Variants in SLC5A8 observed in about 807,000 individuals in gnomAD.
SLC5A8 encodes the protein solute carrier family 5 member 8.
Under a neutral mutation model 71.9 loss-of-function variants are expected in SLC5A8, and 55 were observed. The observed-to-expected ratio is 0.77, with a 90% CI of 0.62 to 0.96. The LOEUF (loss-of-function observed/expected upper bound fraction) is 0.96, where lower values mean the gene tolerates loss of function less well. Among genes scored for constraint, SLC5A8 ranks in the 40% least tolerant of loss-of-function variants. SLC5A8 has a pLI of 0.00. For synonymous variants in SLC5A8, 307 were observed against 276.1 expected, an observed-to-expected ratio of 1.11 and a Z score of -1.11; for missense variants, 701 against 745.3, an observed-to-expected ratio of 0.94 and a Z score of 0.69.
intron 10 of SLC5A8, among the ~76,000 whole-genome samples, chr12:101,177,642 A>C (rs753033361): frequency 6.6e-6 from 1 of 152,214 alleles, no homozygotes; most frequent in Non-Finnish European, 1.5e-5. Context: ...CTGGTTCTGC[A>C]TTAAAAAACC....
intron 2 of SLC5A8, 152 bp downstream of exon 2, chr12:101,204,348 G>A (rs1869587730): frequency 3.0e-6 from 2 of 669,944 alleles, no homozygotes; most frequent in Admixed American, 3.1e-5. Context: ...GGTTGATGCT[G>A]TACAGTGACA....
intron 10 of SLC5A8, among the ~76,000 whole-genome samples, chr12:101,173,234 C>T (rs753699806): frequency 6.6e-6 from 1 of 152,196 alleles, no homozygotes; most frequent in Non-Finnish European, 1.5e-5. Flanking sequence ...CAAAGCACTT[C>T]CTCTCAGGTA....
intron 5 of SLC5A8, among the ~76,000 whole-genome samples, chr12:101,192,218 G>A (rs1463452541): frequency 6.6e-6 from 1 of 152,214 alleles, no homozygotes; most frequent in Admixed American, 6.5e-5. Flanking sequence ...GGCAACTAGA[G>A]CCTCTTTTCC....
intron 2 of SLC5A8, among the ~76,000 whole-genome samples, chr12:101,203,635 C>T (rs926650132): frequency 5.9e-5 from 9 of 152,360 alleles, no homozygotes; most frequent in Middle Eastern, 3.4e-3. Flanking sequence ...GCATGAGCCA[C>T]CGCGGCTGGC....
At chr12:101,171,286 C>T (rs549351387) in intron 10 of SLC5A8, among the ~76,000 whole-genome samples, 16 of 152,264 alleles carry the variant, frequency 1.1e-4, no homozygotes, top group Admixed American at 3.3e-4. Flanking sequence ...TGGAAATCCC[C>T]GGCCAGGTTG....
intron 14 of SLC5A8, 99 bp from the exon 15 acceptor site, chr12:101,157,500 T>C: frequency 7.1e-7 from 1 of 1,402,870 alleles, no homozygotes; most frequent in Non-Finnish European, 9.5e-7. Context: ...TTTCTCTGCA[T>C]CAGCTTTCTA....
intron 10 of SLC5A8, among the ~76,000 whole-genome samples, chr12:101,179,529 T>C (rs962661371): frequency 2.0e-5 from 3 of 152,110 alleles, no homozygotes; most frequent in African/African-American, 7.2e-5. Flanking sequence ...TTATGCCAAG[T>C]GAAAAAGGTT....
Position 101,210,145 on chromosome 12 carries a change from C to T in SLC5A8, c.-297G>A, listed in dbSNP as rs1869870414. The stretch of plus-strand genomic sequence containing the variant: ...TGAGGAACTGGAGTGGCCGAGTTCG[C>T]CAAGGCGCCGGGGACACCTGAGCAG... On this transcript the variant is annotated 5_prime_UTR_variant, in exon 1 of 15. Coordinates refer to ENST00000536262, the MANE Select transcript of SLC5A8 (RefSeq NM_145913.5). 2.6e-6 allele frequency: 1 copy of T among 389,068 alleles called. No individual in the cohort carries two copies. The highest frequency in any genetic ancestry group is 4.5e-6 in the Non-Finnish European group (1 of 220,746). 24.1% of individuals were successfully genotyped at this position (389,068 alleles called of 1,614,324 possible).
At chr12:101,205,265 C>CCT (rs1407934149) in intron 1 of SLC5A8, among the ~76,000 whole-genome samples, 1 of 152,178 alleles carries the variant, frequency 6.6e-6, no homozygotes, top group Non-Finnish European at 1.5e-5. Context: ...TCAGCCTGTC[C>CCT]CTCTGTTCTA....
intron 13 of SLC5A8, among the ~76,000 whole-genome samples, chr12:101,161,668 C>T (rs1402697263): frequency 6.6e-6 from 1 of 152,168 alleles, no homozygotes; most frequent in Admixed American, 6.5e-5. Context: ...TGTCTTACAG[C>T]AACTTGTGAG....
At position 101,187,385 on chromosome 12, in the gene SLC5A8, C is replaced by T. The variant is rs773231008; in HGVS notation, c.963+1G>A. The stretch of plus-strand genomic sequence containing the variant: ...CCTGTAAGAAAGACATGGTACTGAA[C>T]CTGGTCTGGTGCAGACACTTTCTTG... On this transcript the variant is annotated splice_donor_variant, in intron 7 of 14. Coordinates refer to ENST00000536262, the MANE Select transcript of SLC5A8 (RefSeq NM_145913.5). LOFTEE classifies it high-confidence loss of function. The T allele has an allele frequency of 6.2e-7, 1 of 1,612,686 alleles. No homozygotes were observed. Among genetic ancestry groups the T allele is most frequent in the South Asian group, 1.1e-5 (1 of 90,580 alleles).
At chr12:101,158,598 C>CTCTCTCTCTCTATATATATA (rs1411795424) in intron 13 of SLC5A8, among the ~76,000 whole-genome samples, 2 of 21,242 alleles carry the variant, frequency 9.4e-5, no homozygotes, top group Admixed American at 6.8e-4. Flanking sequence ...CTCTCTCTCT[C>CTCTCTCTCTCTATATATATA]TATATATATA....
In SLC5A8 at chr12:101,210,004, C is replaced by T. The variant is rs1257293171; in HGVS notation, c.-156G>A. On this transcript the variant is annotated 5_prime_UTR_variant, in exon 1 of 15. Coordinates refer to ENST00000536262, the MANE Select transcript of SLC5A8 (RefSeq NM_145913.5). ...TCCAGGTGTCGGCCTCCGAACGCAC[C>T]CCGAGGCGGGGTGAGGGCTGGCAGT... The T allele has an allele frequency of 1.6e-6, 1 of 626,512 alleles. No individual in the cohort carries two copies. Among genetic ancestry groups the T allele is most frequent in the South Asian group, 2.6e-5 (1 of 38,240 alleles). The allele number at this position is 626,512 out of a possible 1,614,324, so 38.8% of individuals were successfully genotyped here. A position where few individuals can be genotyped will look rare whatever the true frequency, so the allele number is the denominator to read the frequency against.
Position 101,182,841 on chromosome 12 carries a change from A to C in SLC5A8, c.1127T>G (p.Leu376Arg), listed in dbSNP as rs1016557784. 6.3e-7 allele frequency: 1 copy of C among 1,595,162 alleles called. No homozygotes were observed. Among genetic ancestry groups the C allele is most frequent in the Non-Finnish European group, 8.5e-7 (1 of 1,173,396 alleles). ...EDLIKPYFRS[L>R]SERSLSWISQ... ...AATCCAAGACAGAGACCTTTCTGAG[A>C]GCGATCTGAAGTAAGGTTTGATTAG... The change falls in exon 9 of 15, where the codon CTC (leucine) becomes CGC (arginine). Residue 376 changes from leucine to arginine, a missense_variant. Transcript: ENST00000536262.
chr12:101,196,171 C>G (rs1320399145), intron 3 of SLC5A8, among the ~76,000 whole-genome samples: 1 of 152,108 alleles, frequency 6.6e-6, no homozygotes. Flanking sequence ...CCACCTTCCA[C>G]CCTCCAATAG....
In SLC5A8 at chr12:101,157,048, C is replaced by T. The variant is rs576841490; in HGVS notation, c.*231G>A. 44 of 459,812 alleles carry T rather than the reference C, an allele frequency of 9.6e-5. No homozygotes were observed. The highest frequency in any genetic ancestry group is 5.4e-4 in the African/African-American group (28 of 51,502). The allele number at this position is 459,812 out of a possible 1,614,324, so 28.5% of individuals were successfully genotyped here. A position where few individuals can be genotyped will look rare whatever the true frequency, so the allele number is the denominator to read the frequency against. On this transcript the variant is annotated 3_prime_UTR_variant, in exon 15 of 15. Coordinates refer to ENST00000536262, the MANE Select transcript of SLC5A8 (RefSeq NM_145913.5). Reference sequence around the variant, plus strand: ...ACAATTTTCACAATTATAGCTTCATCGAAATAAAGGAAAGAGAGGGAAATG... The same window carrying T: ...ACAATTTTCACAATTATAGCTTCATTGAAATAAAGGAAAGAGAGGGAAATG...
At chr12:101,160,767 T>C (rs1344252322) in intron 13 of SLC5A8, among the ~76,000 whole-genome samples, 2 of 151,896 alleles carry the variant, frequency 1.3e-5, no homozygotes, top group African/African-American at 4.8e-5. Context: ...TGAAAAAATA[T>C]CTCACATAGT....
chr12:101,174,330 A>G (rs1166287242), intron 10 of SLC5A8, among the ~76,000 whole-genome samples: 2 of 152,270 alleles, frequency 1.3e-5, no homozygotes, highest in East Asian at 1.9e-4. Flanking sequence ...CTAATGCTCA[A>G]TCGGTTTATT....
rs1045902273 is a variant in SLC5A8, at chr12:101,168,213, C to T, written c.1234-31G>A. 3 of 1,560,412 alleles carry T rather than the reference C, an allele frequency of 1.9e-6. No individual in the cohort carries two copies. In the African/African-American group the frequency reaches 4.1e-5, roughly 21 times the overall value. On this transcript the variant is annotated intron_variant, in intron 10 of 14. Transcript: ENST00000536262. ...AAAATAATACAACGTCAGCAATTAG[C>T]AATCTCAAATCGAAACTCAAATATT... is the stretch of plus-strand genomic sequence containing the variant.
Sources: allele counts gnomAD v4.1 joint callset (sites outside exome capture counted in the v4.1 genomes callset), GRCh38; gene constraint gnomAD v4.1.1; transcripts MANE v1.5; gene names NCBI Gene and HGNC (gene_info 2026-07-23, HGNC 2026-07-21).